GRIK2: variants seen among roughly 807,000 people sequenced by gnomAD.
The protein encoded by GRIK2 is glutamate receptor ionotropic, kainate 2.
In GRIK2, 32 loss-of-function variants were observed where a neutral mutation model predicts 100.3. The ratio of observed to expected loss-of-function variants is 0.32; its 90% CI spans 0.24 to 0.43. The LOEUF is 0.43. GRIK2 is among the 20% of genes least tolerant of loss of function. The pLI, the probability that GRIK2 is intolerant of heterozygous loss-of-function variation, is 1.00. For synonymous variants in GRIK2, 417 were observed against 389.4 expected, an observed-to-expected ratio of 1.07 and a Z score of -0.83; for missense variants, 843 against 1,114.9, an observed-to-expected ratio of 0.76 and a Z score of 3.47.
At chr6:101,421,384 A>T (rs1273538032) in intron 2 of GRIK2, among the ~76,000 whole-genome samples, 1 of 152,202 alleles carries the variant, frequency 6.6e-6, no homozygotes, top group Non-Finnish European at 1.5e-5. Flanking sequence ...AAGAAAGAGG[A>T]GGAAGCAGGG....
rs138923182 is a variant in GRIK2 at position 101,658,926 on chromosome 6, C to T, written c.542-17697C>T. On this transcript the variant is annotated intron_variant, in intron 4 of 16. Coordinates refer to ENST00000369134, the MANE Select transcript of GRIK2 (RefSeq NM_021956.5). ...CTTCCTTGTAGATTCTGGATATTAG[C>T]CCTTTGTCAGATAGATAGATAGCAA... Among the ~76,000 whole-genome samples, 63 of 152,200 alleles carry T rather than the reference C, an allele frequency of 4.1e-4. No homozygotes were observed. The East Asian group carries it at 8.1e-3, about 20-fold the overall frequency.
intron 7 of GRIK2, among the ~76,000 whole-genome samples, chr6:101,715,517 CTG>C (rs1171947597): frequency 6.6e-6 from 1 of 151,772 alleles, no homozygotes; most frequent in Non-Finnish European, 1.5e-5. Context: ...GACACATAAA[CTG>C]TCAGTATTTT....
intron 4 of GRIK2, among the ~76,000 whole-genome samples, chr6:101,663,097 G>T (rs1232458820): frequency 6.6e-6 from 1 of 152,062 alleles, no homozygotes; most frequent in Non-Finnish European, 1.5e-5. Context: ...ATAATTGTTA[G>T]TCATGAGCCC....
chr6:101,777,556 A>G (rs925239614), intron 7 of GRIK2, among the ~76,000 whole-genome samples: 41 of 152,128 alleles, frequency 2.7e-4, no homozygotes, highest in African/African-American at 9.9e-4. Flanking sequence ...ATCATATTTA[A>G]TTTTCAATGA....
rs137918716 is a variant in GRIK2, at chr6:102,025,773, C to T, written c.2086-9568C>T. On this transcript the variant is annotated intron_variant, in intron 14 of 16. Transcript: ENST00000369134. ...TCATGTTTTGTTTTTGGTAAATCTACGCACACACAGTGCGTGGCATGGTTA... is the reference window on the plus strand; with the variant it reads ...TCATGTTTTGTTTTTGGTAAATCTATGCACACACAGTGCGTGGCATGGTTA... Among the ~76,000 whole-genome samples, 42 of 151,236 alleles carry T rather than the reference C, an allele frequency of 2.8e-4. 1 individual carries two copies. In the Middle Eastern group the frequency reaches 0.01, roughly 37 times the overall value.
At chr6:101,713,123 A>C (rs1445244959) in intron 7 of GRIK2, among the ~76,000 whole-genome samples, 2 of 151,830 alleles carry the variant, frequency 1.3e-5, no homozygotes, top group Non-Finnish European at 2.9e-5. Context: ...GCAGGCTGTC[A>C]GCAAACCAAT....
At chr6:101,733,708 C>CTTTTTTTTTATTTTTTTTTT (rs1775437604) in intron 7 of GRIK2, among the ~76,000 whole-genome samples, 1 of 83,938 alleles carries the variant, frequency 1.2e-5, no homozygotes, top group Non-Finnish European at 2.4e-5. Flanking sequence ...ATTCCTCTTT[C>CTTTTTTTTTATTTTTTTTTT]TTTTTTTTTT....
chr6:101,892,420 T>C (rs757843217), intron 12 of GRIK2, among the ~76,000 whole-genome samples: 5 of 152,114 alleles, frequency 3.3e-5, no homozygotes, highest in African/African-American at 4.8e-5. Context: ...TAAACCATCA[T>C]AGACAGCATC....
rs3058218 is a variant in GRIK2 at position 101,408,375 on chromosome 6, T to TGA, written c.115+9004_115+9005dup. The stretch of plus-strand genomic sequence containing the variant: ...ATACACACATGCAGCAGGGAGGAAG[T>TGA]GAGAGAGAGAGAGAGAGAGAGAAGA... On this transcript the variant is annotated intron_variant, in intron 2 of 16. Transcript: ENST00000369134. Among the ~76,000 whole-genome samples the TGA allele has an allele frequency of 3.5e-3, 518 of 148,208 alleles. 2 individuals carry two copies. The highest frequency in any genetic ancestry group is 0.014 in the Middle Eastern group (4 of 284).
At chr6:101,618,553 T>C (rs1780004128) in intron 2 of GRIK2, among the ~76,000 whole-genome samples, 1 of 151,858 alleles carries the variant, frequency 6.6e-6, no homozygotes, top group Admixed American at 6.6e-5. Flanking sequence ...CAGTCATTCC[T>C]ATTCTTTCTT....
At position 101,626,433 on chromosome 6, in the gene GRIK2, T is replaced by C. The variant is rs1456868168; in HGVS notation, c.337T>C (p.Ser113Pro). 6.2e-7 allele frequency: 1 copy of C among 1,613,680 alleles called. No individual in the cohort carries two copies. Among genetic ancestry groups the C allele is most frequent in the Non-Finnish European group, 8.5e-7 (1 of 1,179,882 alleles). ...VAAIFGPSHS[S>P]SANAVQSICN... is the part of the protein sequence containing the mutation. ...TGCCATCTTCGGGCCTTCACACAGC[T>C]CATCAGCAAACGCAGTGCAGTCCAT... Residue 113 changes from serine (S) to proline (P), a missense_variant, in exon 4 of 17, where the codon TCA (serine) becomes CCA (proline). This residue lies in a region of GRIK2 where 519 missense variants were observed against 643.8 expected (regional missense o/e 0.81). Transcript: ENST00000369134.
At chr6:101,394,601 C>T (rs1294439886) in intron 1 of GRIK2, among the ~76,000 whole-genome samples, 1 of 152,176 alleles carries the variant, frequency 6.6e-6, no homozygotes, top group Admixed American at 6.5e-5. Context: ...TGTAAGTATT[C>T]TGTCATCAGA....
intron 2 of GRIK2, among the ~76,000 whole-genome samples, chr6:101,449,267 A>G (rs867399012): frequency 5.3e-5 from 8 of 151,834 alleles, no homozygotes; most frequent in Non-Finnish European, 8.9e-5. Flanking sequence ...TTGTAAGAAT[A>G]TAAAGTGATT....
intron 10 of GRIK2, among the ~76,000 whole-genome samples, chr6:101,858,600 A>C (rs994054888): frequency 6.6e-6 from 1 of 151,910 alleles, no homozygotes. Flanking sequence ...CGTGTTAGCC[A>C]GGATGGTCTT....
At chr6:101,707,686 G>A (rs146698269) in intron 7 of GRIK2, among the ~76,000 whole-genome samples, 3 of 149,076 alleles carry the variant, frequency 2.0e-5, no homozygotes, top group African/African-American at 7.4e-5. Flanking sequence ...AGAGTGACAA[G>A]GCACTCATAC....
intron 7 of GRIK2, among the ~76,000 whole-genome samples, chr6:101,768,309 T>C (rs1778164002): frequency 6.6e-6 from 1 of 152,194 alleles, no homozygotes; most frequent in Non-Finnish European, 1.5e-5. Flanking sequence ...ATTTTTCCTT[T>C]TTTGTTCCAT....
intron 14 of GRIK2, among the ~76,000 whole-genome samples, chr6:102,026,018 G>T (rs1769678172): frequency 6.7e-6 from 1 of 149,618 alleles, no homozygotes; most frequent in Non-Finnish European, 1.5e-5. Context: ...GCTTACTAGG[G>T]TGATTAAATA....
intron 10 of GRIK2, among the ~76,000 whole-genome samples, chr6:101,833,221 G>C (rs1048695314): frequency 1.3e-5 from 2 of 151,766 alleles, no homozygotes; most frequent in East Asian, 3.9e-4. Context: ...GTTTTTCGTT[G>C]TTGTTGTTTG....
At chr6:101,617,832 C>T (rs1230050511) in intron 2 of GRIK2, among the ~76,000 whole-genome samples, 1 of 151,550 alleles carries the variant, frequency 6.6e-6, no homozygotes, top group Non-Finnish European at 1.5e-5. Context: ...TCTTTTCTGT[C>T]TCTCCCTCTG....
Sources: allele counts gnomAD v4.1 joint callset (sites outside exome capture counted in the v4.1 genomes callset), GRCh38; gene constraint gnomAD v4.1.1; regional missense constraint gnomAD v4.1.1; transcripts MANE v1.5; gene names NCBI Gene and HGNC (gene_info 2026-07-23, HGNC 2026-07-21).